Variants in GRM1 observed in about 807,000 individuals in gnomAD.
GRM1 encodes metabotropic glutamate receptor 1.
Under a neutral mutation model 90.9 loss-of-function variants are expected in GRM1, and 33 were observed. The ratio of observed to expected loss-of-function variants is 0.36; its 90% CI spans 0.28 to 0.49. GRM1 has a LOEUF of 0.49. Among genes scored for constraint, GRM1 ranks in the 20% least tolerant of loss-of-function variants. The pLI is 0.99. For synonymous variants in GRM1, 700 were observed against 613.2 expected (o/e 1.14, Z -2.09); for missense variants, 1,190 against 1,534.3 (o/e 0.78, Z 3.75).
chr6:146,200,070 TTATC>T lies in GRM1; in HGVS notation c.950+40477_950+40480del, dbSNP rs373849720. ...CTCAGAGGCATCCATCCAAATGTCT[TTATC>T]TATGTTTCAGGGTTCCAGATTTTCC... is the stretch of plus-strand genomic sequence containing the variant. On this transcript the variant is annotated intron_variant, in intron 2 of 7. Coordinates refer to ENST00000282753, the MANE Select transcript of GRM1 (RefSeq NM_001278064.2). 1.1e-3 allele frequency among the ~76,000 whole-genome samples: 175 copies of T among 152,264 alleles called. 1 individual carries two copies. Among genetic ancestry groups the T allele is most frequent in the African/African-American group, 3.9e-3 (163 of 41,550 alleles).
chr6:146,350,968 C>A (rs1235730156), intron 3 of GRM1, among the ~76,000 whole-genome samples: 1 of 152,112 alleles, frequency 6.6e-6, no homozygotes, highest in East Asian at 1.9e-4. Flanking sequence ...ATAAGGATAT[C>A]CTTTTCAAAC....
At chr6:146,331,777 C>A (rs963062947) in intron 3 of GRM1, among the ~76,000 whole-genome samples, 7 of 152,064 alleles carry the variant, frequency 4.6e-5, no homozygotes, top group African/African-American at 1.4e-4. Flanking sequence ...AAAAAAAATT[C>A]TAATCCCAAA....
intron 7 of GRM1, among the ~76,000 whole-genome samples, chr6:146,403,834 C>T (rs1204577763): frequency 6.6e-6 from 1 of 152,034 alleles, no homozygotes; most frequent in Non-Finnish European, 1.5e-5. Context: ...TTTTAATTGA[C>T]ACATAATAAC....
Position 146,175,845 on chromosome 6 carries a change from A to T in GRM1, c.950+16248A>T, listed in dbSNP as rs973129223. Among the ~76,000 whole-genome samples the T allele has an allele frequency of 2.6e-5, 4 of 152,158 alleles. No homozygotes were observed. In the East Asian group the frequency reaches 7.7e-4, roughly 29 times the overall value. On this transcript the variant is annotated intron_variant, in intron 2 of 7. Coordinates refer to ENST00000282753, the MANE Select transcript of GRM1 (RefSeq NM_001278064.2). ...TAGGGTATGGGTTACATTAGGTTAT[A>T]AAAATATATAGGTTGTATTTCACAG...
At chr6:146,289,122 AG>A (rs1292411466) in intron 2 of GRM1, among the ~76,000 whole-genome samples, 1 of 152,152 alleles carries the variant, frequency 6.6e-6, no homozygotes, top group East Asian at 1.9e-4. Context: ...CTAAAAAAAA[AG>A]GTTAAGTGTA....
chr6:146,291,112 A>C (rs1481692104), intron 2 of GRM1, among the ~76,000 whole-genome samples: 1 of 152,052 alleles, frequency 6.6e-6, no homozygotes, highest in Admixed American at 6.6e-5. Flanking sequence ...ATTTGCCTTA[A>C]ATTATTCCTT....
chr6:146,270,849 T>TTTCTTTCTTTCTTTC (rs1782095570), intron 2 of GRM1, among the ~76,000 whole-genome samples: 1 of 91,692 alleles, frequency 1.1e-5, no homozygotes, highest in Non-Finnish European at 2.2e-5. Flanking sequence ...CTTTCTTTCT[T>TTTCTTTCTTTCTTTC]TTTCTTTCTT....
intron 2 of GRM1, among the ~76,000 whole-genome samples, chr6:146,163,106 C>G (rs921204669): frequency 2.0e-5 from 3 of 152,024 alleles, no homozygotes; most frequent in Non-Finnish European, 4.4e-5. Context: ...TCGTTAAAAC[C>G]AGAATTCATA....
intron 3 of GRM1, among the ~76,000 whole-genome samples, chr6:146,348,484 A>G (rs1229268526): frequency 6.6e-6 from 1 of 152,232 alleles, no homozygotes; most frequent in Non-Finnish European, 1.5e-5. Flanking sequence ...TCTTCCTGAC[A>G]GTAGGACCCT....
chr6:146,156,851 T>C (rs1042554926), intron 1 of GRM1, among the ~76,000 whole-genome samples: 1 of 152,190 alleles, frequency 6.6e-6, no homozygotes, highest in African/African-American at 2.4e-5. Flanking sequence ...TAAAAGTAGT[T>C]CTCAAATTTT....
chr6:146,279,140 G>A (rs1782478449), intron 2 of GRM1, among the ~76,000 whole-genome samples: 1 of 151,984 alleles, frequency 6.6e-6, no homozygotes, highest in South Asian at 2.1e-4. Flanking sequence ...AACATTATTG[G>A]CATAACATTT....
chr6:146,139,219 T>A (rs1776742641), intron 1 of GRM1, among the ~76,000 whole-genome samples: 1 of 152,198 alleles, frequency 6.6e-6, no homozygotes, highest in South Asian at 2.1e-4. Flanking sequence ...ATTTAAGATT[T>A]GTTTTGTGGT....
chr6:146,322,240 G>A (rs530804242), intron 3 of GRM1, among the ~76,000 whole-genome samples: 1 of 152,332 alleles, frequency 6.6e-6, no homozygotes, highest in African/African-American at 2.4e-5. Flanking sequence ...CTGCAGAACA[G>A]CAAAGATTGC....
intron 2 of GRM1, among the ~76,000 whole-genome samples, chr6:146,265,781 G>T (rs537494954): frequency 1.5e-4 from 23 of 152,188 alleles, no homozygotes; most frequent in African/African-American, 5.3e-4. Flanking sequence ...ATTGAATAGG[G>T]CATCCTTTGC....
At chr6:146,401,816 G>T (rs750580904) in intron 7 of GRM1, among the ~76,000 whole-genome samples, 1 of 152,168 alleles carries the variant, frequency 6.6e-6, no homozygotes, top group Non-Finnish European at 1.5e-5. Context: ...GTGATTCTAT[G>T]TACAGACAGA....
rs532442945 is a variant in GRM1 at position 146,382,260 on chromosome 6, T to G, written c.1603-4630T>G. 2.5e-4 allele frequency among the ~76,000 whole-genome samples: 32 copies of G among 128,718 alleles called. No homozygotes were observed. The South Asian group carries it at 4.4e-3, about 18-fold the overall frequency. The allele number at this position is 128,718 out of a possible 152,430, so 84.4% of individuals were successfully genotyped here. A position where few individuals can be genotyped will look rare whatever the true frequency, so the allele number is the denominator to read the frequency against. On this transcript the variant is annotated intron_variant, in intron 5 of 7. Transcript: ENST00000282753. ...GTTACTATGACAAATATAAAAATAA[T>G]TTTAAATTTGTCACTTTGGGGGAAA...
intron 1 of GRM1, among the ~76,000 whole-genome samples, chr6:146,040,526 C>T (rs549597360): frequency 1.3e-4 from 20 of 152,028 alleles, no homozygotes; most frequent in African/African-American, 4.6e-4. Flanking sequence ...TGAAAGTTAG[C>T]TTTGCTGGGT....
chr6:146,174,894 T>G (rs1324786914), intron 2 of GRM1, among the ~76,000 whole-genome samples: 1 of 152,212 alleles, frequency 6.6e-6, no homozygotes, highest in East Asian at 1.9e-4. Context: ...AGATTCTTGC[T>G]GGCTATTTGT....
intron 2 of GRM1, among the ~76,000 whole-genome samples, chr6:146,189,512 G>A (rs577593567): frequency 1.1e-4 from 17 of 152,176 alleles, no homozygotes; most frequent in African/African-American, 4.1e-4. Flanking sequence ...ATTCTGGTCT[G>A]TCGACCTGAA....
Sources: gnomAD v4.1 joint callset for allele counts (sites outside exome capture counted in the v4.1 genomes callset) on GRCh38, gnomAD v4.1.1 for gene constraint, MANE v1.5 for transcripts, NCBI Gene and HGNC (gene_info 2026-07-23, HGNC 2026-07-21) for gene names.